PIK3R6: variants seen among roughly 807,000 people sequenced by gnomAD.
The protein encoded by PIK3R6 is phosphoinositide 3-kinase regulatory subunit 6.
Under a neutral mutation model 84.9 loss-of-function variants are expected in PIK3R6, and 91 were observed. The observed-to-expected ratio is 1.07, with a 90% confidence interval of 0.90 to 1.28. The LOEUF (loss-of-function observed/expected upper bound fraction) is 1.28, where lower values mean the gene tolerates loss of function less well. Among genes scored for constraint, PIK3R6 ranks in the 50% most tolerant of loss-of-function variants. The pLI is 0.00. For missense variants in PIK3R6, 996 were observed against 985.1 expected (o/e 1.01, Z -0.15); for synonymous variants, 416 against 411.4 (o/e 1.01, Z -0.13).
In PIK3R6 at chr17:8,836,656, T is replaced by C. The variant is rs371982645; in HGVS notation, c.392-40A>G. ...ACTTTGGCCAAACAGCCCCCAAGTC[T>C]CTGACTCCCATTCTCCACCTTCCTA... On this transcript the variant is annotated intron_variant, in intron 6 of 19. Transcript: ENST00000619866. The C allele has an allele frequency of 2.9e-5, 46 of 1,613,616 alleles. No individual in the cohort carries two copies. The African/African-American group carries it at 5.3e-4, about 19-fold the overall frequency.
chr17:8,829,511 C>G (rs1198498468), intron 10 of PIK3R6, among the ~76,000 whole-genome samples, 195 bp downstream of exon 10: 1 of 113,696 alleles, frequency 8.8e-6, no homozygotes, highest in African/African-American at 4.0e-5. Flanking sequence ...GACACACACT[C>G]ATGCATACAC....
intron 1 of PIK3R6, among the ~76,000 whole-genome samples, chr17:8,853,673 T>C (rs1355329591): frequency 6.6e-6 from 1 of 151,292 alleles, no homozygotes; most frequent in Non-Finnish European, 1.5e-5. Context: ...AGTTAAGATG[T>C]CAATTCTCAG....
intron 2 of PIK3R6, among the ~76,000 whole-genome samples, chr17:8,840,199 A>G (rs939717088): frequency 1.4e-5 from 2 of 147,548 alleles, no homozygotes; most frequent in Non-Finnish European, 3.0e-5. Context: ...AAATATATAT[A>G]GCCTCCAAAT....
At chr17:8,815,072 A>G (rs2087486084) in intron 18 of PIK3R6, among the ~76,000 whole-genome samples, 1 of 152,232 alleles carries the variant, frequency 6.6e-6, no homozygotes, top group African/African-American at 2.4e-5. Context: ...AACATCCACA[A>G]ACCTCTCTCA....
intron 1 of PIK3R6, among the ~76,000 whole-genome samples, chr17:8,863,695 C>T (rs2089335326): frequency 6.6e-6 from 1 of 152,158 alleles, no homozygotes; most frequent in Admixed American, 6.5e-5. Flanking sequence ...CCACCACGCC[C>T]AGCTAATTTT....
chr17:8,861,319 C>A (rs748076484), intron 1 of PIK3R6, among the ~76,000 whole-genome samples: 1 of 152,086 alleles, frequency 6.6e-6, no homozygotes, highest in African/African-American at 2.4e-5. Context: ...AGGGTTGCCA[C>A]ACAGGGCCCA....
intron 18 of PIK3R6, among the ~76,000 whole-genome samples, chr17:8,816,456 T>C (rs1047653963): frequency 1.7e-4 from 26 of 152,312 alleles, no homozygotes; most frequent in African/African-American, 6.3e-4. Flanking sequence ...TGTTTAATCA[T>C]ATCAGAGTCA....
At chr17:8,823,735 G>A (rs1198300576) in intron 13 of PIK3R6, among the ~76,000 whole-genome samples, 1 of 152,162 alleles carries the variant, frequency 6.6e-6, no homozygotes, top group Non-Finnish European at 1.5e-5. Flanking sequence ...AGAGACTACT[G>A]AGCGCTGCTA....
At chr17:8,827,466 G>C (rs995324779) in intron 12 of PIK3R6, among the ~76,000 whole-genome samples, 172 bp from the exon 13 acceptor site, 14 of 152,324 alleles carry the variant, frequency 9.2e-5, no homozygotes, top group African/African-American at 3.4e-4. Flanking sequence ...GATGAAGCTA[G>C]AATATCTTTT....
chr17:8,828,244 A>T, intron 11 of PIK3R6, 54 bp from the exon 12 acceptor site: 1 of 1,549,434 alleles, frequency 6.5e-7, no homozygotes, highest in Non-Finnish European at 8.9e-7. Flanking sequence ...GGCTTCAAAC[A>T]GACTCGGCTC....
rs2087198279 is a variant in PIK3R6, at chr17:8,806,087, C to A, written c.1996-1934G>T. 2.0e-5 allele frequency among the ~76,000 whole-genome samples: 3 copies of A among 152,108 alleles called. No individual in the cohort carries two copies. In the South Asian group the frequency reaches 6.2e-4, roughly 32 times the overall value. ...TACTGGAATGTCACTTGTGACCCTC[C>A]AAAAATACCTGGAGAGACTGCAGGG... On this transcript the variant is annotated intron_variant, in intron 18 of 19. Transcript: ENST00000619866.
chr17:8,861,181 CAA>C (rs35125812), intron 1 of PIK3R6, among the ~76,000 whole-genome samples: 3,478 of 95,546 alleles, frequency 0.036, 119 homozygotes, highest in African/African-American at 0.13. Flanking sequence ...GACTCTGTCT[CAA>C]AAAAAAAAAA....
intron 1 of PIK3R6, among the ~76,000 whole-genome samples, chr17:8,853,736 G>A (rs1410481884): frequency 6.6e-6 from 1 of 151,720 alleles, no homozygotes; most frequent in Non-Finnish European, 1.5e-5. Context: ...GGCCAAGGGG[G>A]GCAGGTCACG....
At chr17:8,826,071 T>C (rs2087905625) in intron 13 of PIK3R6, among the ~76,000 whole-genome samples, 1 of 152,210 alleles carries the variant, frequency 6.6e-6, no homozygotes, top group African/African-American at 2.4e-5. Context: ...CAACTGGCAT[T>C]CCACCACTCA....
chr17:8,834,585 G>T (rs1035163190), intron 8 of PIK3R6, among the ~76,000 whole-genome samples: 1 of 151,550 alleles, frequency 6.6e-6, no homozygotes, highest in Non-Finnish European at 1.5e-5. Context: ...TAGAAATGGG[G>T]TCTTGCTATG....
chr17:8,823,169 G>A (rs2087798231), intron 14 of PIK3R6, 83 bp from the exon 15 acceptor site: 1 of 1,105,914 alleles, frequency 9.0e-7, no homozygotes, highest in South Asian at 1.3e-5. Flanking sequence ...CCAGGGCCAT[G>A]GAGAACCCTT....
chr17:8,831,477 C>A (rs2088240351), intron 9 of PIK3R6, among the ~76,000 whole-genome samples: 1 of 151,974 alleles, frequency 6.6e-6, no homozygotes, highest in Admixed American at 6.6e-5. Context: ...ACAAGGGGAG[C>A]AAAGCCAGAT....
intron 11 of PIK3R6, 124 bp downstream of exon 11, chr17:8,828,443 C>A: frequency 1.6e-6 from 2 of 1,256,742 alleles, no homozygotes; most frequent in South Asian, 1.4e-5. Context: ...CATCCTCCTC[C>A]GTCCCACCCT....
intron 10 of PIK3R6, among the ~76,000 whole-genome samples, chr17:8,829,192 T>TATAG: frequency 6.8e-6 from 1 of 146,444 alleles, no homozygotes; most frequent in East Asian, 2.0e-4. Context: ...CAGACAGACA[T>TATAG]ACACACACGT....
Sources: allele counts gnomAD v4.1 joint callset (sites outside exome capture counted in the v4.1 genomes callset), GRCh38; gene constraint gnomAD v4.1.1; transcripts MANE v1.5; gene names NCBI Gene and HGNC (gene_info 2026-07-23, HGNC 2026-07-21).